Variants in COG5 observed in about 807,000 individuals in gnomAD.
COG5 encodes the protein component of oligomeric golgi complex 5, also known as conserved oligomeric Golgi complex subunit 5.
A neutral mutation model predicts 110.4 loss-of-function variants in COG5; 86 were observed. The ratio of observed to expected loss-of-function variants is 0.78; its 90% CI spans 0.65 to 0.93. The LOEUF (loss-of-function observed/expected upper bound fraction) is 0.93. Among genes scored for constraint, COG5 ranks in the 40% least tolerant of loss-of-function variants. The pLI, the probability that COG5 is intolerant of heterozygous loss-of-function variation, is 0.00. For synonymous variants in COG5, 360 were observed against 334.6 expected, an observed-to-expected ratio of 1.08 and a Z score of -0.83; for missense variants, 1,077 against 987.0, an observed-to-expected ratio of 1.09 and a Z score of -1.22.
rs1260070762 is a variant in COG5 at position 107,483,174 on chromosome 7, T to C, written c.538+44063A>G. Among the ~76,000 whole-genome samples the C allele has an allele frequency of 2.0e-5, 3 of 152,192 alleles. 1 individual carries two copies. Among genetic ancestry groups the C allele is most frequent in the South Asian group, 4.1e-4 (2 of 4,830 alleles). On this transcript the variant is annotated intron_variant, in intron 6 of 21. Coordinates refer to ENST00000297135, the MANE Select transcript of COG5 (RefSeq NM_006348.5). ...TTTAAATTCCTATTCTGTATTATAA[T>C]AGTTTAGGTAACACTGATACTTGAT...
At chr7:107,448,748 T>C (rs1336427075) in intron 6 of COG5, among the ~76,000 whole-genome samples, 1 of 152,160 alleles carries the variant, frequency 6.6e-6, no homozygotes, top group Non-Finnish European at 1.5e-5. Context: ...GGTCCACATA[T>C]ACACAGATTT....
chr7:107,503,179 TA>T (rs923417048), intron 6 of COG5, among the ~76,000 whole-genome samples: 3 of 152,122 alleles, frequency 2.0e-5, no homozygotes, highest in African/African-American at 7.2e-5. Context: ...GATTTTTATA[TA>T]AAGTGAGAGG....
chr7:107,460,114 T>C (rs1231752961), intron 6 of COG5, among the ~76,000 whole-genome samples: 1 of 151,858 alleles, frequency 6.6e-6, no homozygotes, highest in Non-Finnish European at 1.5e-5. Context: ...ACTAGAAAAA[T>C]ACACTTGGCC....
chr7:107,296,663 A>ACCT (rs1806776585), intron 12 of COG5, among the ~76,000 whole-genome samples: 2 of 148,978 alleles, frequency 1.3e-5, no homozygotes, highest in East Asian at 3.9e-4. Context: ...GGCTCAAGAG[A>ACCT]CCTTCCCCAG....
At chr7:107,495,571 A>G (rs977143786) in intron 6 of COG5, among the ~76,000 whole-genome samples, 4 of 152,194 alleles carry the variant, frequency 2.6e-5, no homozygotes, top group Admixed American at 1.3e-4. Flanking sequence ...AACATGATCC[A>G]TATGCATGAA....
At chr7:107,376,641 C>A (rs1169190343) in intron 7 of COG5, among the ~76,000 whole-genome samples, 1 of 151,750 alleles carries the variant, frequency 6.6e-6, no homozygotes, top group Non-Finnish European at 1.5e-5. Context: ...TCCCATTCTC[C>A]TCTATCTCAT....
intron 10 of COG5, among the ~76,000 whole-genome samples, chr7:107,345,663 T>C (rs138838841): frequency 0.011 from 1,604 of 152,256 alleles, 12 homozygotes; most frequent in Non-Finnish European, 0.016. Context: ...TCAGAGAACA[T>C]ATAGGTAATA....
chr7:107,460,914 T>C (rs1479174569), intron 6 of COG5, among the ~76,000 whole-genome samples: 2 of 151,910 alleles, frequency 1.3e-5, no homozygotes, highest in Non-Finnish European at 2.9e-5. Flanking sequence ...AAATAGAAAA[T>C]ATGAATCTAT....
At chr7:107,460,069 A>T (rs999195137) in intron 6 of COG5, among the ~76,000 whole-genome samples, 14 of 152,142 alleles carry the variant, frequency 9.2e-5, no homozygotes, top group Non-Finnish European at 2.9e-5. Flanking sequence ...GAAACCGATA[A>T]CAAAAAATTT....
chr7:107,538,421 T>C (rs1233355854), intron 5 of COG5, among the ~76,000 whole-genome samples: 1 of 152,092 alleles, frequency 6.6e-6, no homozygotes, highest in Non-Finnish European at 1.5e-5. Context: ...AGCAACCCAG[T>C]TCTCCAGGAC....
chr7:107,527,392 C>G (rs1407207243), intron 5 of COG5, 35 bp from the exon 6 acceptor site: 1 of 1,609,530 alleles, frequency 6.2e-7, no homozygotes, highest in South Asian at 1.1e-5. Flanking sequence ...TTAGTTGATC[C>G]ATGAAGTTTT....
At chr7:107,504,143 T>C (rs747289691) in intron 6 of COG5, among the ~76,000 whole-genome samples, 1 of 152,188 alleles carries the variant, frequency 6.6e-6, no homozygotes, top group Non-Finnish European at 1.5e-5. Context: ...TTGTCATATA[T>C]GGCTTTTATT....
At chr7:107,527,620 C>G (rs1190561775) in intron 5 of COG5, among the ~76,000 whole-genome samples, 2 of 152,154 alleles carry the variant, frequency 1.3e-5, no homozygotes, top group African/African-American at 2.4e-5. Context: ...CCACCAACCA[C>G]AAACCTAAAT....
chr7:107,426,557 G>T (rs1390298875), intron 6 of COG5, among the ~76,000 whole-genome samples: 2 of 152,112 alleles, frequency 1.3e-5, no homozygotes, highest in Admixed American at 1.3e-4. Context: ...TCCTCATATG[G>T]CAGAAGAGGG....
At chr7:107,323,062 T>C (rs894756641) in intron 11 of COG5, among the ~76,000 whole-genome samples, 5 of 152,214 alleles carry the variant, frequency 3.3e-5, no homozygotes, top group African/African-American at 7.2e-5. Context: ...TATATCTTAA[T>C]TGTAATGATG....
At chr7:107,392,546 T>G (rs1790697235) in intron 7 of COG5, among the ~76,000 whole-genome samples, 1 of 152,072 alleles carries the variant, frequency 6.6e-6, no homozygotes, top group South Asian at 2.1e-4. Flanking sequence ...GCCTATTTTT[T>G]AGAAAAATTG....
At chr7:107,555,507 C>T (rs1044978263) in intron 2 of COG5, among the ~76,000 whole-genome samples, 1 of 152,248 alleles carries the variant, frequency 6.6e-6, no homozygotes, top group East Asian at 1.9e-4. Context: ...GTCTTTTATT[C>T]GTAAGGTTGC....
At chr7:107,297,224 T>C (rs1396596469) in intron 12 of COG5, among the ~76,000 whole-genome samples, 3 of 152,204 alleles carry the variant, frequency 2.0e-5, no homozygotes, top group Non-Finnish European at 4.4e-5. Flanking sequence ...GTGGCTGTAA[T>C]GAAACATTTA....
chr7:107,545,510 T>C (rs1802347231), intron 5 of COG5, among the ~76,000 whole-genome samples: 1 of 152,030 alleles, frequency 6.6e-6, no homozygotes, highest in Admixed American at 6.6e-5. Context: ...CTGGGTGCAG[T>C]GGCTCACACT....
Sources: gnomAD v4.1 joint callset for allele counts (sites outside exome capture counted in the v4.1 genomes callset) on GRCh38, gnomAD v4.1.1 for gene constraint, MANE v1.5 for transcripts, NCBI Gene and HGNC (gene_info 2026-07-23, HGNC 2026-07-21) for gene names.